Variants in DLGAP1 observed in about 807,000 individuals in gnomAD.
DLGAP1 encodes disks large-associated protein 1.
A neutral mutation model predicts 90.8 loss-of-function variants in DLGAP1; 11 were observed. The observed-to-expected ratio is 0.12, with a 90% CI of 0.08 to 0.20. The LOEUF is 0.20. Among genes scored for constraint, DLGAP1 ranks in the 10% least tolerant of loss-of-function variants. The pLI is 1.00. For synonymous variants in DLGAP1, 558 were observed against 540.7 expected, an observed-to-expected ratio of 1.03 and a Z score of -0.44; for missense variants, 1,050 against 1,333.8, an observed-to-expected ratio of 0.79 and a Z score of 3.31.
At chr18:3,669,922 A>T (rs372007697) in intron 7 of DLGAP1, among the ~76,000 whole-genome samples, 9 of 152,172 alleles carry the variant, frequency 5.9e-5, no homozygotes, top group African/African-American at 1.7e-4. Context: ...AGCTGTAAAC[A>T]TTCACCCCTA....
chr18:3,867,012 C>T (rs974485051), intron 4 of DLGAP1, among the ~76,000 whole-genome samples: 1 of 152,080 alleles, frequency 6.6e-6, no homozygotes, highest in Admixed American at 6.6e-5. Flanking sequence ...CCACCACACC[C>T]GGCTAATTTT....
intron 7 of DLGAP1, among the ~76,000 whole-genome samples, chr18:3,698,929 G>T (rs538257663): frequency 2.0e-5 from 3 of 151,698 alleles, no homozygotes; most frequent in Non-Finnish European, 4.4e-5. Context: ...CCGCTTGATC[G>T]ATTTGGCTAT....
At chr18:4,246,679 C>T (rs574303823) in intron 1 of DLGAP1, among the ~76,000 whole-genome samples, 7 of 152,250 alleles carry the variant, frequency 4.6e-5, no homozygotes, top group Non-Finnish European at 8.8e-5. Context: ...ACTTCCGTCT[C>T]GAGGGTAATT....
At chr18:4,119,101 A>AT (rs778756604) in intron 2 of DLGAP1, among the ~76,000 whole-genome samples, 87 of 148,006 alleles carry the variant, frequency 5.9e-4, no homozygotes, top group Middle Eastern at 3.5e-3. Context: ...ATTTTATTTT[A>AT]TTTTTTTTGA....
At chr18:3,764,647 T>C (rs1230262213) in intron 5 of DLGAP1, among the ~76,000 whole-genome samples, 12 of 152,200 alleles carry the variant, frequency 7.9e-5, no homozygotes, top group Admixed American at 7.9e-4. Flanking sequence ...TTTTAGAATT[T>C]TGCAAGACTC....
At chr18:3,813,858 G>A (rs1219227838) in intron 5 of DLGAP1, among the ~76,000 whole-genome samples, 2 of 152,054 alleles carry the variant, frequency 1.3e-5, no homozygotes, top group Non-Finnish European at 2.9e-5. Flanking sequence ...TTCAGCTTAT[G>A]ATCAATGCAG....
intron 4 of DLGAP1, among the ~76,000 whole-genome samples, chr18:3,843,781 T>C (rs1252429478): frequency 1.3e-5 from 2 of 152,182 alleles, no homozygotes; most frequent in Non-Finnish European, 2.9e-5. Context: ...GTCTGTCTTA[T>C]TGTTGTTAAA....
chr18:3,609,034 C>T (rs909266546), intron 7 of DLGAP1, among the ~76,000 whole-genome samples: 1 of 151,920 alleles, frequency 6.6e-6, no homozygotes, highest in African/African-American at 2.4e-5. Flanking sequence ...CAGGGTTTCA[C>T]CATGTTGGCC....
intron 7 of DLGAP1, among the ~76,000 whole-genome samples, chr18:3,647,277 A>AATAG (rs2059155673): frequency 1.4e-5 from 2 of 147,236 alleles, no homozygotes; most frequent in Non-Finnish European, 3.0e-5. Context: ...TAAATAAATA[A>AATAG]AAATATACAT....
chr18:3,578,062 A>T (rs2055263130), intron 8 of DLGAP1, among the ~76,000 whole-genome samples: 1 of 152,192 alleles, frequency 6.6e-6, no homozygotes, highest in Admixed American at 6.5e-5. Flanking sequence ...TTTTTACCAT[A>T]CCCAAAATGT....
chr18:3,504,486 G>A (rs1598962515), intron 11 of DLGAP1, among the ~76,000 whole-genome samples: 1 of 152,128 alleles, frequency 6.6e-6, no homozygotes, highest in Non-Finnish European at 1.5e-5. Context: ...CCAGGTTCAA[G>A]CGACTCTCCT....
intron 1 of DLGAP1, among the ~76,000 whole-genome samples, chr18:4,387,930 TACACACACACACACACACA>T (rs2082267237): frequency 1.6e-5 from 2 of 123,258 alleles, no homozygotes; most frequent in South Asian, 2.5e-4. Context: ...CCATCACACA[TACACACACACACACACACA>T]CACACACACA....
intron 5 of DLGAP1, among the ~76,000 whole-genome samples, chr18:3,803,994 ATATATATAT>A (rs2066443311): frequency 1.0e-5 from 1 of 100,190 alleles, no homozygotes; most frequent in African/African-American, 4.0e-5. Flanking sequence ...ATATATATAT[ATATATATAT>A]AATTTTTTTT....
At chr18:4,098,207 C>T (rs1283158205) in intron 2 of DLGAP1, among the ~76,000 whole-genome samples, 1 of 152,174 alleles carries the variant, frequency 6.6e-6, no homozygotes, top group Non-Finnish European at 1.5e-5. Context: ...AGCTACCGTG[C>T]CCAGCTGGTT....
At chr18:3,739,784 G>T (rs1162590219) in intron 6 of DLGAP1, among the ~76,000 whole-genome samples, 1 of 151,336 alleles carries the variant, frequency 6.6e-6, no homozygotes, top group African/African-American at 2.4e-5. Context: ...AAAAATAAAA[G>T]AAAAAAAAAG....
At chr18:3,808,810 C>G (rs547129910) in intron 5 of DLGAP1, among the ~76,000 whole-genome samples, 1 of 151,910 alleles carries the variant, frequency 6.6e-6, no homozygotes. Flanking sequence ...GAGCAAAAAA[C>G]GTATACAAGA....
At chr18:4,451,965 A>G (rs1005708642) in intron 1 of DLGAP1, among the ~76,000 whole-genome samples, 2 of 152,168 alleles carry the variant, frequency 1.3e-5, no homozygotes, top group Admixed American at 1.3e-4. Flanking sequence ...TAGCCTTCTT[A>G]TTTCAATGGT....
intron 9 of DLGAP1, among the ~76,000 whole-genome samples, chr18:3,542,694 G>A (rs1348340177): frequency 6.6e-6 from 1 of 152,202 alleles, no homozygotes; most frequent in Non-Finnish European, 1.5e-5. Flanking sequence ...AAGGAACTAA[G>A]GAGTATACAA....
intron 2 of DLGAP1, among the ~76,000 whole-genome samples, chr18:4,026,459 AT>A (rs2074700650): frequency 6.6e-6 from 1 of 152,184 alleles, no homozygotes; most frequent in African/African-American, 2.4e-5. Context: ...AAAACTCAAA[AT>A]TCACAGACCA....
Sources: gnomAD v4.1 joint callset for allele counts (sites outside exome capture counted in the v4.1 genomes callset) on GRCh38, gnomAD v4.1.1 for gene constraint, MANE v1.5 for transcripts, NCBI Gene and HGNC (gene_info 2026-07-23, HGNC 2026-07-21) for gene names.